Variants in SYCP1 observed in about 807,000 individuals in gnomAD.
The protein encoded by SYCP1 is synaptonemal complex protein 1, also known as cancer/testis antigen 8.
SYCP1 carries 64 observed loss-of-function variants against 153.1 expected under a neutral mutation model. That is an observed-to-expected ratio of 0.42 (90% CI 0.34 to 0.51). The LOEUF is 0.51. SYCP1 is among the 20% of genes least tolerant of loss of function. SYCP1 has a pLI of 0.06. For synonymous variants in SYCP1, 384 were observed against 341.8 expected, an observed-to-expected ratio of 1.12 and a Z score of -1.36; for missense variants, 997 against 1,049.0, an observed-to-expected ratio of 0.95 and a Z score of 0.68.
At chr1:114,881,056 T>TATACACACACACACACACAC (rs375436670) in intron 12 of SYCP1, among the ~76,000 whole-genome samples, 1 of 144,940 alleles carries the variant, frequency 6.9e-6, no homozygotes, top group African/African-American at 2.6e-5. Context: ...TTTGTGTATA[T>TATACACACACACACACACAC]ACACACACAC....
intron 27 of SYCP1, among the ~76,000 whole-genome samples, chr1:114,961,120 G>A (rs897188682): frequency 3.9e-5 from 6 of 152,064 alleles, no homozygotes; most frequent in Admixed American, 6.5e-5. Context: ...TCTCTTCTAG[G>A]TTTTCTAGTT....
intron 23 of SYCP1, among the ~76,000 whole-genome samples, chr1:114,934,223 C>G (rs960537777): frequency 2.6e-5 from 4 of 152,204 alleles, no homozygotes; most frequent in Non-Finnish European, 5.9e-5. Flanking sequence ...TGGAGAAACT[C>G]TACAAGCCAG....
intron 8 of SYCP1, among the ~76,000 whole-genome samples, chr1:114,867,941 A>C (rs1664873709): frequency 6.6e-6 from 1 of 151,968 alleles, no homozygotes. Context: ...TTCTATTCCT[A>C]GTTTACTAAA....
intron 5 of SYCP1, 50 bp from the exon 6 acceptor site, chr1:114,858,497 G>T: frequency 2.0e-6 from 3 of 1,465,094 alleles, no homozygotes; most frequent in Non-Finnish European, 2.8e-6. Context: ...GCTGTAGTTT[G>T]GTTATATTAG....
At chr1:114,865,122 C>A (rs911880739) in intron 8 of SYCP1, among the ~76,000 whole-genome samples, 1 of 152,022 alleles carries the variant, frequency 6.6e-6, no homozygotes, top group Non-Finnish European at 1.5e-5. Flanking sequence ...AAGTTCTTTG[C>A]TGACTTTTTA....
intron 27 of SYCP1, among the ~76,000 whole-genome samples, chr1:114,967,393 T>C (rs1672198961): frequency 1.3e-5 from 2 of 152,242 alleles, no homozygotes; most frequent in Non-Finnish European, 2.9e-5. Flanking sequence ...TAGTTAGCTC[T>C]TCTTGTTGCA....
intron 16 of SYCP1, among the ~76,000 whole-genome samples, chr1:114,902,807 AAAAAAT>A: frequency 2.0e-5 from 3 of 152,136 alleles, no homozygotes; most frequent in African/African-American, 7.2e-5. Context: ...TATGAAATGG[AAAAAAT>A]AATTGTACAT....
intron 16 of SYCP1, among the ~76,000 whole-genome samples, chr1:114,895,748 C>G (rs1667017751): frequency 6.6e-6 from 1 of 152,030 alleles, no homozygotes; most frequent in Admixed American, 6.5e-5. Context: ...ACACTAAGAT[C>G]AAATTTGCAT....
intron 14 of SYCP1, among the ~76,000 whole-genome samples, chr1:114,886,840 T>A (rs1666343926): frequency 1.3e-5 from 2 of 152,048 alleles, no homozygotes; most frequent in Non-Finnish European, 2.9e-5. Context: ...ACATAAAAAA[T>A]AAACTAGTAT....
chr1:114,899,197 C>T (rs963815788), intron 16 of SYCP1, among the ~76,000 whole-genome samples: 4 of 152,218 alleles, frequency 2.6e-5, no homozygotes, highest in African/African-American at 7.2e-5. Context: ...AGAATACACA[C>T]AGATAGTTTC....
intron 8 of SYCP1, among the ~76,000 whole-genome samples, chr1:114,864,255 G>GT (rs961334810): frequency 2.0e-5 from 3 of 152,092 alleles, no homozygotes; most frequent in African/African-American, 7.2e-5. Flanking sequence ...TGATTGGGAA[G>GT]TTTTTTCTGG....
intron 20 of SYCP1, among the ~76,000 whole-genome samples, chr1:114,915,216 T>C (rs1307771225): frequency 6.6e-6 from 1 of 152,226 alleles, no homozygotes; most frequent in East Asian, 1.9e-4. Flanking sequence ...GCTGGCTCTT[T>C]AACAATTTGG....
At chr1:114,874,286 C>T (rs565639770) in intron 8 of SYCP1, among the ~76,000 whole-genome samples, 3 of 152,216 alleles carry the variant, frequency 2.0e-5, no homozygotes, top group Admixed American at 6.5e-5. Flanking sequence ...TTTTACCTGT[C>T]GTTAGGATGG....
intron 22 of SYCP1, 26 bp downstream of exon 22, chr1:114,926,366 A>C: frequency 6.6e-7 from 1 of 1,521,034 alleles, no homozygotes; most frequent in Admixed American, 2.2e-5. Flanking sequence ...AAATATTCTC[A>C]AAATCAAACT....
At chr1:114,883,272 T>C (rs546681457) in intron 12 of SYCP1, among the ~76,000 whole-genome samples, 21 of 152,230 alleles carry the variant, frequency 1.4e-4, no homozygotes, top group Non-Finnish European at 2.5e-4. Flanking sequence ...AGTAGTTTTA[T>C]TGATTTACTG....
rs543315786 is a variant in SYCP1 at position 114,935,099 on chromosome 1, T to A, written c.1926+8536T>A. Among the ~76,000 whole-genome samples, 3 of 152,248 alleles carry A rather than the reference T, an allele frequency of 2.0e-5. No individual in the cohort carries two copies. In the South Asian group the frequency reaches 6.2e-4, roughly 32 times the overall value. On this transcript the variant is annotated intron_variant, in intron 23 of 31. Transcript: ENST00000369522. Reference sequence around the variant, plus strand: ...AACTCTCCACCCCAAATCAACAGAATGTACATTATTTTCAGCACCACACAA... The same window carrying A: ...AACTCTCCACCCCAAATCAACAGAAAGTACATTATTTTCAGCACCACACAA...
intron 27 of SYCP1, among the ~76,000 whole-genome samples, chr1:114,965,368 TC>T (rs1557838204): frequency 6.6e-6 from 1 of 151,918 alleles, no homozygotes; most frequent in Non-Finnish European, 1.5e-5. Flanking sequence ...TTACCTGATT[TC>T]CCTGGCCAGA....
At chr1:114,948,652 C>T (rs1670903724) in intron 27 of SYCP1, among the ~76,000 whole-genome samples, 1 of 152,104 alleles carries the variant, frequency 6.6e-6, no homozygotes, top group Admixed American at 6.5e-5. Flanking sequence ...TCACTCTGTG[C>T]CCCCTGTTAT....
intron 20 of SYCP1, among the ~76,000 whole-genome samples, chr1:114,918,240 C>T (rs555323027): frequency 1.3e-5 from 2 of 151,840 alleles, no homozygotes; most frequent in Admixed American, 6.6e-5. Context: ...CACTGTGTAT[C>T]GAGACTATCC....
Sources: gnomAD v4.1 joint callset for allele counts (sites outside exome capture counted in the v4.1 genomes callset) on GRCh38, gnomAD v4.1.1 for gene constraint, MANE v1.5 for transcripts, NCBI Gene and HGNC (gene_info 2026-07-23, HGNC 2026-07-21) for gene names.